PLEKHA5: variants seen among roughly 807,000 people sequenced by gnomAD.
PLEKHA5 encodes the protein pleckstrin homology domain containing A5, also known as pleckstrin homology domain-containing family A member 5.
PLEKHA5 carries 55 observed loss-of-function variants against 181.9 expected under a neutral mutation model. The observed-to-expected ratio is 0.30, with a 90% CI of 0.24 to 0.38. The LOEUF is 0.38. Ranked by LOEUF, PLEKHA5 falls within the 10% of genes least tolerant of loss-of-function variation. The pLI is 1.00. For missense variants in PLEKHA5, 1,432 were observed against 1,549.5 expected (o/e 0.92, Z 1.27); for synonymous variants, 535 against 529.4 (o/e 1.01, Z -0.15).
At chr12:19,192,292 A>G (rs971170896) in intron 3 of PLEKHA5, among the ~76,000 whole-genome samples, 1 of 152,194 alleles carries the variant, frequency 6.6e-6, no homozygotes, top group Non-Finnish European at 1.5e-5. Flanking sequence ...CAAATTTTAG[A>G]AAATGAGATT....
chr12:19,300,425 T>C (rs763414925), intron 15 of PLEKHA5, among the ~76,000 whole-genome samples: 13 of 152,198 alleles, frequency 8.5e-5, no homozygotes, highest in Non-Finnish European at 1.5e-4. Flanking sequence ...TACAAAATAT[T>C]ATAAATACTA....
At chr12:19,243,005 G>A (rs2062956492) in intron 3 of PLEKHA5, among the ~76,000 whole-genome samples, 1 of 152,106 alleles carries the variant, frequency 6.6e-6, no homozygotes, top group Non-Finnish European at 1.5e-5. Flanking sequence ...ACTGGAATTG[G>A]GAAAGCTTTC....
chr12:19,162,572 T>C (rs1244827079), intron 3 of PLEKHA5, among the ~76,000 whole-genome samples: 3 of 98,660 alleles, frequency 3.0e-5, no homozygotes, highest in African/African-American at 7.9e-5. Flanking sequence ...TAAGTTAGCT[T>C]TAAAAAAAAA....
intron 3 of PLEKHA5, among the ~76,000 whole-genome samples, chr12:19,228,142 A>G (rs938550295): frequency 6.6e-6 from 1 of 152,120 alleles, no homozygotes; most frequent in African/African-American, 2.4e-5. Flanking sequence ...ATCCTTGCCA[A>G]TCCTCCATGT....
intron 3 of PLEKHA5, among the ~76,000 whole-genome samples, chr12:19,161,215 C>G (rs2042889725): frequency 6.6e-6 from 1 of 151,990 alleles, no homozygotes; most frequent in South Asian, 2.1e-4. Context: ...TTTTTCCCCA[C>G]TCTTTACTTC....
chr12:19,310,956 G>C (rs1462322106), intron 15 of PLEKHA5, among the ~76,000 whole-genome samples: 2 of 152,192 alleles, frequency 1.3e-5, no homozygotes, highest in Non-Finnish European at 2.9e-5. Flanking sequence ...GTCTTGCCTT[G>C]ATGTTGATGC....
intron 3 of PLEKHA5, among the ~76,000 whole-genome samples, chr12:19,232,866 G>C (rs1187858168): frequency 6.6e-6 from 1 of 152,088 alleles, no homozygotes. Context: ...CTGACATTGT[G>C]TTTAGAAGTT....
intron 3 of PLEKHA5, among the ~76,000 whole-genome samples, chr12:19,159,505 C>T (rs534179117): frequency 6.6e-6 from 1 of 152,118 alleles, no homozygotes; most frequent in South Asian, 2.1e-4. Context: ...CATTTTCTTA[C>T]CCATCTACAG....
In PLEKHA5 at chr12:19,353,904, G is replaced by A; in HGVS notation, c.3040G>A (p.Val1014Ile). 3 of 1,592,978 alleles carry A rather than the reference G, an allele frequency of 1.9e-6. No individual in the cohort carries two copies. Among genetic ancestry groups the A allele is most frequent in the Non-Finnish European group, 2.6e-6 (3 of 1,161,080 alleles). ...TTTAGGTTCCCACTTTCCTGTTGGA[G>A]TAGTCCCTCCAAGAGCAAAATCACC... Reference protein sequence around the residue: ...VVKGSHFPVGVVPPRAKSPTP... With the variant: ...VVKGSHFPVGIVPPRAKSPTP... Residue 1014 changes from valine (V) to isoleucine (I), a missense_variant, in exon 26 of 32, where the codon GTA becomes ATA. Transcript: ENST00000429027.
chr12:19,229,374 C>T lies in PLEKHA5; in HGVS notation c.228-24566C>T, dbSNP rs140492291. Among the ~76,000 whole-genome samples, 477 of 152,232 alleles carry T rather than the reference C, an allele frequency of 3.1e-3. 3 individuals are homozygous for T. The highest frequency in any genetic ancestry group is 0.011 in the African/African-American group (459 of 41,548). ...AAGGTGGCGTGTCCAGAGTTTGTTCCTTCTGATGTTCAGATGTGTTCGGAG... is the reference window on the plus strand; with the variant it reads ...AAGGTGGCGTGTCCAGAGTTTGTTCTTTCTGATGTTCAGATGTGTTCGGAG... On this transcript the variant is annotated intron_variant, in intron 3 of 31. Transcript: ENST00000429027.
At chr12:19,305,158 C>T (rs185737402) in intron 15 of PLEKHA5, among the ~76,000 whole-genome samples, 65 of 152,278 alleles carry the variant, frequency 4.3e-4, no homozygotes, top group African/African-American at 1.5e-3. Context: ...GTCCCCACAC[C>T]TTGTAACCCA....
At chr12:19,152,609 A>G (rs1226323702) in intron 3 of PLEKHA5, 1 of 152,220 alleles carries the variant, frequency 6.6e-6, no homozygotes, top group Non-Finnish European at 1.5e-5. Flanking sequence ...TACTACTTAT[A>G]TATGATGGTA....
intron 26 of PLEKHA5, among the ~76,000 whole-genome samples, chr12:19,354,951 C>G (rs1414204510): frequency 6.6e-6 from 1 of 152,080 alleles, no homozygotes; most frequent in Non-Finnish European, 1.5e-5. Flanking sequence ...AGAATTTTCT[C>G]GATGAGAGGT....
chr12:19,364,658 C>CA (rs1341760019), intron 29 of PLEKHA5, among the ~76,000 whole-genome samples: 1 of 151,132 alleles, frequency 6.6e-6, no homozygotes. Flanking sequence ...CCCCTGAACT[C>CA]ACTAATGTTT....
intron 28 of PLEKHA5, among the ~76,000 whole-genome samples, chr12:19,360,518 C>T (rs2095185016): frequency 2.0e-5 from 3 of 151,480 alleles, no homozygotes; most frequent in Non-Finnish European, 4.4e-5. Context: ...GCAGGAGAAT[C>T]GCTTGAACCC....
intron 16 of PLEKHA5, among the ~76,000 whole-genome samples, chr12:19,316,048 A>G (rs1006964940): frequency 9.2e-5 from 14 of 152,190 alleles, no homozygotes; most frequent in Non-Finnish European, 1.3e-4. Flanking sequence ...TCACCAGATT[A>G]TAGACCTTGG....
chr12:19,302,646 C>T (rs1168984293), intron 15 of PLEKHA5, among the ~76,000 whole-genome samples: 1 of 152,054 alleles, frequency 6.6e-6, no homozygotes, highest in Non-Finnish European at 1.5e-5. Flanking sequence ...GTCCTCCCAC[C>T]TTGGCCTCCC....
intron 3 of PLEKHA5, among the ~76,000 whole-genome samples, chr12:19,225,958 T>G (rs1313334072): frequency 6.6e-6 from 1 of 152,200 alleles, no homozygotes; most frequent in African/African-American, 2.4e-5. Context: ...CCAATGCACA[T>G]CTTCCTTCAG....
chr12:19,254,400 A>G (rs2082126), intron 4 of PLEKHA5, among the ~76,000 whole-genome samples: 131,093 of 152,216 alleles, frequency 0.86, 57,970 homozygotes, highest in Middle Eastern at 0.98. Context: ...GTATTATACT[A>G]TAAAGCTATT....
Sources: allele counts gnomAD v4.1 joint callset (sites outside exome capture counted in the v4.1 genomes callset), GRCh38; gene constraint gnomAD v4.1.1; transcripts MANE v1.5; gene names NCBI Gene and HGNC (gene_info 2026-07-23, HGNC 2026-07-21).